The following ENTPD3 variants were observed in gnomAD, a reference collection of about 807,000 sequenced individuals.
The protein encoded by ENTPD3 is CD39 antigen-like 3.
ENTPD3 carries 60 observed loss-of-function variants against 51.2 expected under a neutral mutation model. The ratio of observed to expected loss-of-function variants is 1.17; its 90% CI spans 0.95 to 1.45. ENTPD3 has a LOEUF of 1.45. Among genes scored for constraint, ENTPD3 ranks in the 40% most tolerant of loss-of-function variants. ENTPD3 has a pLI of 0.00. For missense variants in ENTPD3, 593 were observed against 641.1 expected, an observed-to-expected ratio of 0.93 and a Z score of 0.81; for synonymous variants, 221 against 238.4, an observed-to-expected ratio of 0.93 and a Z score of 0.67.
chr3:40,418,707 A>AT (rs1269455634), intron 7 of ENTPD3, among the ~76,000 whole-genome samples: 1 of 152,192 alleles, frequency 6.6e-6, no homozygotes, highest in Non-Finnish European at 1.5e-5. Flanking sequence ...ATTAACCACT[A>AT]TTAACATACT....
rs1046670647 is a variant in ENTPD3 at position 40,428,373 on chromosome 3, G to A, written c.*865G>A. The A allele has an allele frequency of 2.6e-5, 4 of 152,128 alleles. No homozygotes were observed. Among genetic ancestry groups the A allele is most frequent in the African/African-American group, 9.7e-5 (4 of 41,426 alleles). 9.4% of individuals were successfully genotyped at this position (152,128 alleles called of 1,614,324 possible). A position where few individuals can be genotyped will look rare whatever the true frequency, so the allele number is the denominator to read the frequency against. The stretch of plus-strand genomic sequence containing the variant: ...CATTCCCACAAGTATACTTGATGTT[G>A]TCATAGAACGAACATCCTACTCTAT... On this transcript the variant is annotated 3_prime_UTR_variant, in exon 11 of 11. Transcript: ENST00000301825.
chr3:40,390,106 T>A lies in ENTPD3; in HGVS notation c.41-1917T>A, dbSNP rs527465330. ...GATAGCCAATTGATTAGATATATAT[T>A]GGAATTCGATGAATCTAGTGATCTT... On this transcript the variant is annotated intron_variant, in intron 2 of 10. Transcript: ENST00000301825. Among the ~76,000 whole-genome samples the A allele has an allele frequency of 1.2e-3, 183 of 152,336 alleles. No individual in the cohort carries two copies. In the Middle Eastern group the frequency reaches 0.014, roughly 11 times the overall value.
chr3:40,423,881 C>A lies in ENTPD3; in HGVS notation c.1271C>A (p.Ser424Ter), dbSNP rs1401651957. ...GTATATGCCCGCTCTTACTGCTTCT[C>A]AGCCAACTACATCTACCACTTGTTT... is the stretch of plus-strand genomic sequence containing the variant. ...DEVYARSYCF[S>*]ANYIYHLFVN... is the part of the protein sequence containing the mutation. The change falls in exon 10 of 11, where the codon TCA (serine) becomes TAA (stop). Residue 424 changes from serine to a stop codon, truncating the protein, a stop_gained. Transcript: ENST00000301825. LOFTEE classifies it high-confidence loss of function. 6.2e-7 allele frequency: 1 copy of A among 1,614,162 alleles called. No homozygotes were observed. The highest frequency in any genetic ancestry group is 8.5e-7 in the Non-Finnish European group (1 of 1,180,022).
rs528484219 is a variant in ENTPD3, at chr3:40,426,026, A to C, written c.1354-1246A>C. ...CATGATAAGGGTGTGGTAAGGAGTT[A>C]TAAGATACAGGGACATAAGAGTAAC... On this transcript the variant is annotated intron_variant, in intron 10 of 10. Transcript: ENST00000301825. Among the ~76,000 whole-genome samples, 3 of 151,910 alleles carry C rather than the reference A, an allele frequency of 2.0e-5. No individual in the cohort carries two copies. The South Asian group carries it at 6.2e-4, about 32-fold the overall frequency.
At position 40,393,792 on chromosome 3, in the gene ENTPD3, A is replaced by G. The variant is rs149131234; in HGVS notation, c.168+1642A>G. Among the ~76,000 whole-genome samples the G allele has an allele frequency of 3.2e-3, 481 of 152,212 alleles. 10 individuals are homozygous for G. Among genetic ancestry groups the G allele is most frequent in the Non-Finnish European group, 1.1e-3 (75 of 68,008 alleles). ...CCTTCTACAAACTACTGTATATAAA[A>G]TTGGGACTTTGGGAGGCCGAGGCGG... On this transcript the variant is annotated intron_variant, in intron 3 of 10. Coordinates refer to ENST00000301825, the MANE Select transcript of ENTPD3 (RefSeq NM_001248.4).
At position 40,427,632 on chromosome 3, in the gene ENTPD3, G is replaced by A. The variant is rs1052215255; in HGVS notation, c.*124G>A. 9 of 710,942 alleles carry A rather than the reference G, an allele frequency of 1.3e-5. No homozygotes were observed. The highest frequency in any genetic ancestry group is 3.8e-4 in the Middle Eastern group (1 of 2,604). 44.0% of individuals were successfully genotyped at this position (710,942 alleles called of 1,614,324 possible). Reference sequence around the variant, plus strand: ...AACTAAAATCAAACACCTAGGTCACGTGCCTCTCAAATACTGATTTCTGCC... The same window carrying A: ...AACTAAAATCAAACACCTAGGTCACATGCCTCTCAAATACTGATTTCTGCC... On this transcript the variant is annotated 3_prime_UTR_variant, in exon 11 of 11. Coordinates refer to ENST00000301825, the MANE Select transcript of ENTPD3 (RefSeq NM_001248.4).
At position 40,415,929 on chromosome 3, in the gene ENTPD3, C is replaced by T. The variant is rs768848699; in HGVS notation, c.687C>T (p.Phe229=). ...DLGGASTQIS[F]VAGEKMDLNT... ...GTGGTGCCTCCACCCAAATATCCTT[C>T]GTGGCAGGAGAGAAGATGGATCTGA... is the stretch of plus-strand genomic sequence containing the variant. Residue 229 remains phenylalanine, a synonymous_variant, in exon 7 of 11, where the codon TTC becomes TTT. Transcript: ENST00000301825. 1.6e-5 allele frequency: 26 copies of T among 1,614,094 alleles called. No individual in the cohort carries two copies. The highest frequency in any genetic ancestry group is 1.9e-5 in the Non-Finnish European group (23 of 1,180,002).
At chr3:40,426,751 G>T (rs115129605) in intron 10 of ENTPD3, among the ~76,000 whole-genome samples, 1,820 of 152,214 alleles carry the variant, frequency 0.012, 38 homozygotes, top group African/African-American at 0.041. Flanking sequence ...GACACAGAGG[G>T]TTACAACATA....
At chr3:40,398,107 A>G (rs1337945706) in intron 3 of ENTPD3, among the ~76,000 whole-genome samples, 1 of 152,176 alleles carries the variant, frequency 6.6e-6, no homozygotes, top group Admixed American at 6.5e-5. Flanking sequence ...AGGTGGGCCT[A>G]TATCAGCAGG....
intron 4 of ENTPD3, among the ~76,000 whole-genome samples, chr3:40,402,112 TTTTTTTTTTTC>T (rs1365845620): frequency 1.9e-4 from 6 of 32,268 alleles, no homozygotes; most frequent in Non-Finnish European, 2.8e-4. Context: ...TTTCCTTTCC[TTTTTTTTTTTC>T]TTTTTTTTTT....
At chr3:40,416,913 C>T (rs1425287649) in intron 7 of ENTPD3, among the ~76,000 whole-genome samples, 3 of 152,166 alleles carry the variant, frequency 2.0e-5, no homozygotes, top group Non-Finnish European at 4.4e-5. Flanking sequence ...AACCCACGTT[C>T]GTCCAACCTA....
intron 6 of ENTPD3, 132 bp from the exon 7 acceptor site, chr3:40,415,703 AAAAGG>A: frequency 1.5e-6 from 1 of 647,316 alleles, no homozygotes; most frequent in Admixed American, 2.9e-5. Context: ...CCTCTAAAAG[AAAAGG>A]AAAGAATTGG....
intron 3 of ENTPD3, chr3:40,399,326 T>C (rs1262279848): frequency 7.2e-5 from 11 of 152,244 alleles, no homozygotes; most frequent in Non-Finnish European, 1.2e-4. Context: ...GTGATTTTAT[T>C]TGTTTCTTTT....
At chr3:40,419,642 A>G (rs1955819979) in intron 7 of ENTPD3, among the ~76,000 whole-genome samples, 2 of 152,164 alleles carry the variant, frequency 1.3e-5, no homozygotes, top group South Asian at 4.1e-4. Flanking sequence ...GAATTATACA[A>G]TGTATTTCCA....
intron 5 of ENTPD3, among the ~76,000 whole-genome samples, chr3:40,412,788 G>T (rs936425900): frequency 6.6e-6 from 1 of 152,138 alleles, no homozygotes; most frequent in Admixed American, 6.5e-5. Context: ...AAGAAATCAT[G>T]ATGTGCTCTC....
chr3:40,392,367 T>C (rs1955079336), intron 3 of ENTPD3: 3 of 563,746 alleles, frequency 5.3e-6, no homozygotes, highest in Non-Finnish European at 9.3e-6. Context: ...TGACACCTTC[T>C]CCAAGGACTG....
chr3:40,424,990 C>T (rs1257418468), intron 10 of ENTPD3: 1 of 419,470 alleles, frequency 2.4e-6, no homozygotes, highest in Non-Finnish European at 4.4e-6. Context: ...ATCTAATTAC[C>T]AGTAAAGTAT....
chr3:40,388,015 T>C (rs765868840), intron 1 of ENTPD3, 31 bp from the exon 2 acceptor site: 9 of 1,599,086 alleles, frequency 5.6e-6, no homozygotes, highest in Middle Eastern at 3.3e-4. Flanking sequence ...GGCGGTGGAC[T>C]TACTGACATC....
In ENTPD3 at chr3:40,427,447, C is replaced by A. The variant is rs1331294489; in HGVS notation, c.1529C>A (p.Ser510Ter). ...CTGGCATTTCTTGCATACCTGTGTTCAGCAACCAGAAGAAAGAGGCACTCC... is the reference window on the plus strand; with the variant it reads ...CTGGCATTTCTTGCATACCTGTGTTAAGCAACCAGAAGAAAGAGGCACTCC... ...LCLAFLAYLCSATRRKRHSEH... is the reference protein window; with the variant it reads ...LCLAFLAYLC Residue 510 changes from serine (S) to a stop codon, truncating the protein, a stop_gained, in exon 11 of 11, where the codon TCA becomes TAA. Coordinates refer to ENST00000301825, the MANE Select transcript of ENTPD3 (RefSeq NM_001248.4). LOFTEE classifies it low-confidence loss of function (END_TRUNC). 2 of 1,613,498 alleles carry A rather than the reference C, an allele frequency of 1.2e-6. No individual in the cohort carries two copies. Among genetic ancestry groups the A allele is most frequent in the East Asian group, 4.5e-5 (2 of 44,868 alleles).
Sources: allele counts gnomAD v4.1 joint callset (sites outside exome capture counted in the v4.1 genomes callset), GRCh38; gene constraint gnomAD v4.1.1; transcripts MANE v1.5; gene names NCBI Gene and HGNC (gene_info 2026-07-23, HGNC 2026-07-21).